The following TAF8 variants were observed in gnomAD, a reference collection of about 807,000 sequenced individuals.
TAF8 encodes the protein TATA-box binding protein associated factor 8.
A neutral mutation model predicts 36.5 loss-of-function variants in TAF8; 47 were observed. That is an observed-to-expected ratio of 1.29 (90% confidence interval 1.02 to 1.64). The LOEUF (loss-of-function observed/expected upper bound fraction) is 1.64. Among genes scored for constraint, TAF8 ranks in the 40% most tolerant of loss-of-function variants. TAF8 has a pLI of 0.00. For synonymous variants in TAF8, 175 were observed against 159.5 expected, an observed-to-expected ratio of 1.10 and a Z score of -0.73; for missense variants, 420 against 407.6, an observed-to-expected ratio of 1.03 and a Z score of -0.26.
chr6:42,051,054 C>T (rs1404494387), intron 1 of TAF8: 3 of 1,100,426 alleles, frequency 2.7e-6, no homozygotes, highest in Admixed American at 4.6e-5. Flanking sequence ...ACGTCTTAAT[C>T]CCATCATGCG....
At chr6:42,085,451 C>T (rs1234351996), downstream of TAF8, among the ~76,000 whole-genome samples, 1 of 152,146 alleles carries the variant, frequency 6.6e-6, no homozygotes, top group Non-Finnish European at 1.5e-5. Flanking sequence ...ATGTTAAAAT[C>T]CCCGAGGTGA....
At chr6:42,065,042 A>G (rs943477895) in intron 5 of TAF8, among the ~76,000 whole-genome samples, 7 of 150,916 alleles carry the variant, frequency 4.6e-5, no homozygotes, top group East Asian at 3.9e-4. Flanking sequence ...CACCGTTGCC[A>G]TTACCAATTA....
At chr6:42,073,843 T>G (rs1765667616) in intron 7 of TAF8, among the ~76,000 whole-genome samples, 1 of 152,086 alleles carries the variant, frequency 6.6e-6, no homozygotes, top group Admixed American at 6.6e-5. Context: ...GAGAGATCAG[T>G]CAGGAAGCTG....
intron 2 of TAF8, among the ~76,000 whole-genome samples, chr6:42,051,955 CCAA>C (rs1001942482): frequency 1.3e-5 from 2 of 152,122 alleles, no homozygotes; most frequent in East Asian, 1.9e-4. Context: ...GGCTCCATCT[CCAA>C]CAACAACAAC....
At chr6:42,074,227 C>T (rs938932421) in intron 7 of TAF8, among the ~76,000 whole-genome samples, 14 of 152,148 alleles carry the variant, frequency 9.2e-5, no homozygotes, top group Non-Finnish European at 1.9e-4. Flanking sequence ...TGAGAAGCGC[C>T]GTTTACACCA....
At chr6:42,051,083 T>G (rs1319937803) in intron 1 of TAF8, 1 of 1,128,266 alleles carries the variant, frequency 8.9e-7, no homozygotes, top group African/African-American at 1.6e-5. Flanking sequence ...CAGCTATGTA[T>G]TCTAATAATC....
chr6:42,061,405 A>G (rs571558027), intron 5 of TAF8, among the ~76,000 whole-genome samples: 2 of 152,292 alleles, frequency 1.3e-5, no homozygotes, highest in East Asian at 1.9e-4. Context: ...TAATGTCACA[A>G]TCTCCAGAGT....
intron 7 of TAF8, among the ~76,000 whole-genome samples, chr6:42,069,501 G>A (rs1001407115): frequency 1.3e-5 from 2 of 152,134 alleles, no homozygotes; most frequent in African/African-American, 4.8e-5. Context: ...TAAAGAAAAC[G>A]GTAAGGTTTT....
intron 7 of TAF8, among the ~76,000 whole-genome samples, chr6:42,069,522 A>C (rs1765485858): frequency 6.6e-6 from 1 of 152,188 alleles, no homozygotes; most frequent in African/African-American, 2.4e-5. Context: ...TTGCCTGAAC[A>C]ATAGGAAAGA....
intron 8 of TAF8, 134 bp downstream of exon 8, chr6:42,077,373 TTCCTG>T: frequency 1.3e-6 from 2 of 1,506,670 alleles, no homozygotes; most frequent in Non-Finnish European, 1.8e-6. Context: ...AGTCTCCCTT[TTCCTG>T]TCCTTACTTG....
chr6:42,069,019 G>A (rs1765469159), intron 7 of TAF8, among the ~76,000 whole-genome samples: 1 of 152,092 alleles, frequency 6.6e-6, no homozygotes, highest in South Asian at 2.1e-4. Context: ...ACATGTCTGG[G>A]GGTGGAGCCA....
At chr6:42,069,079 C>T (rs1402297474) in intron 7 of TAF8, among the ~76,000 whole-genome samples, 1 of 151,920 alleles carries the variant, frequency 6.6e-6, no homozygotes, top group Non-Finnish European at 1.5e-5. Context: ...CAGGAGCTCC[C>T]CTGTTGTATT....
At chr6:42,051,255 A>G (rs897486344) in intron 1 of TAF8, 102 bp from the exon 2 acceptor site, 2 of 1,369,584 alleles carry the variant, frequency 1.5e-6, no homozygotes, top group African/African-American at 2.9e-5. Flanking sequence ...GATTTTTAAA[A>G]TAAAATTATT....
chr6:42,059,883 G>T (rs562694193), intron 5 of TAF8, among the ~76,000 whole-genome samples: 1 of 152,246 alleles, frequency 6.6e-6, no homozygotes, highest in East Asian at 1.9e-4. Context: ...TAATCTTAAG[G>T]TGTAGGCTGT....
intron 5 of TAF8, among the ~76,000 whole-genome samples, chr6:42,059,047 G>A (rs1415614078): frequency 6.6e-6 from 1 of 152,048 alleles, no homozygotes; most frequent in Non-Finnish European, 1.5e-5. Context: ...TAGGTCGGGG[G>A]AAGCCAGTGA....
At chr6:42,072,569 G>A (rs540038188) in intron 7 of TAF8, among the ~76,000 whole-genome samples, 4 of 152,206 alleles carry the variant, frequency 2.6e-5, no homozygotes, top group African/African-American at 9.6e-5. Flanking sequence ...TTCCACATCT[G>A]TAAGGGAGGA....
chr6:42,077,062 C>T lies in TAF8; in HGVS notation c.781-38C>T. 3 of 1,588,680 alleles carry T rather than the reference C, an allele frequency of 1.9e-6. No homozygotes were observed. The South Asian group carries it at 3.4e-5, about 18-fold the overall frequency. Reference sequence around the variant, plus strand: ...TATAGGCATGATCTCTTTCCTTATGCTGTTGATGTTGTGCTTTATTTTGGC... The same window carrying T: ...TATAGGCATGATCTCTTTCCTTATGTTGTTGATGTTGTGCTTTATTTTGGC... On this transcript the variant is annotated intron_variant, in intron 7 of 8. Transcript: ENST00000372977.
intron 5 of TAF8, among the ~76,000 whole-genome samples, chr6:42,060,837 A>G (rs1765165975): frequency 6.6e-6 from 1 of 152,240 alleles, no homozygotes; most frequent in Non-Finnish European, 1.5e-5. Context: ...CCATAAATTG[A>G]GAATATTCAC....
intron 5 of TAF8, chr6:42,063,108 G>C (rs532094273): frequency 1.3e-5 from 2 of 152,164 alleles, no homozygotes; most frequent in Admixed American, 1.3e-4. Flanking sequence ...TTTTTTGTGG[G>C]GACACAGTTC....
Sources: allele counts gnomAD v4.1 joint callset (sites outside exome capture counted in the v4.1 genomes callset), GRCh38; gene constraint gnomAD v4.1.1; transcripts MANE v1.5; gene names NCBI Gene and HGNC (gene_info 2026-07-23, HGNC 2026-07-21).